Variants in PACS2 observed in about 807,000 individuals in gnomAD.
PACS2 encodes the protein PACS1-like protein.
A neutral mutation model predicts 113.0 loss-of-function variants in PACS2; 36 were observed. That is an observed-to-expected ratio of 0.32 (90% CI 0.24 to 0.42). PACS2 has a LOEUF of 0.42. Among genes scored for constraint, PACS2 ranks in the 10% least tolerant of loss-of-function variants. PACS2 has a pLI of 1.00. For synonymous variants in PACS2, 589 were observed against 536.1 expected (o/e 1.10, Z -1.36); for missense variants, 1,015 against 1,239.5 (o/e 0.82, Z 2.72).
Position 105,355,258 on chromosome 14 carries a change from C to G in PACS2, c.423+81C>G. The G allele has an allele frequency of 6.8e-7, 1 of 1,477,000 alleles. No homozygotes were observed. The highest frequency in any genetic ancestry group is 2.0e-5 in the Admixed American group (1 of 49,762). 91.5% of individuals were successfully genotyped at this position (1,477,000 alleles called of 1,614,324 possible). A position where few individuals can be genotyped will look rare whatever the true frequency, so the allele number is the denominator to read the frequency against. ...ATTCGCCCGTGGGAGATGGAGATGT[C>G]TCTCCCGGGTCCAGATGTCCAGGGA... On this transcript the variant is annotated intron_variant, in intron 4 of 24. Transcript: ENST00000447393. The surrounding 1 kb of genome is among the most constrained non-coding windows in gnomAD (Gnocchi z 4.1).
chr14:105,393,349 G>A lies in PACS2; in HGVS notation c.2596+14G>A, dbSNP rs1555415550. On this transcript the variant is annotated intron_variant, in intron 24 of 24. Transcript: ENST00000447393. Reference sequence around the variant, plus strand: ...ACATGCTGCGGGGTGAGCACCACCGGCCCCGGGGTCTGTAGAGTGGGACGT... The same window carrying A: ...ACATGCTGCGGGGTGAGCACCACCGACCCCGGGGTCTGTAGAGTGGGACGT... The A allele has an allele frequency of 3.2e-6, 5 of 1,582,712 alleles. No homozygotes were observed. The highest frequency in any genetic ancestry group is 1.7e-4 in the Middle Eastern group (1 of 6,014).
At chr14:105,377,286 G>T (rs1472979722) in intron 9 of PACS2, among the ~76,000 whole-genome samples, 1 of 152,156 alleles carries the variant, frequency 6.6e-6, no homozygotes, top group African/African-American at 2.4e-5. Context: ...GTTCACTCAG[G>T]TGGGGAGTAG....
At chr14:105,312,937 G>T (rs78592622), upstream of PACS2, among the ~76,000 whole-genome samples, 71 of 152,268 alleles carry the variant, frequency 4.7e-4, 1 homozygote, top group East Asian at 0.013. Flanking sequence ...GTCATATCCC[G>T]ACCCCTGGCA....
rs1171103338 is a variant in PACS2 at position 105,395,383 on chromosome 14, G to A, written c.*711G>A. ...TCAGGCTGTTCTTGAAACACCATGA[G>A]GCTTCTGCGTGTAGTCCCTGCCCCA... On this transcript the variant is annotated 3_prime_UTR_variant, in exon 25 of 25. Coordinates refer to ENST00000447393, the MANE Select transcript of PACS2 (RefSeq NM_001100913.3). 1 of 151,480 alleles carries A rather than the reference G, an allele frequency of 6.6e-6. No individual in the cohort carries two copies. The highest frequency in any genetic ancestry group is 1.9e-4 in the East Asian group (1 of 5,134). The allele number at this position is 151,480 out of a possible 1,614,324, so 9.4% of individuals were successfully genotyped here.
rs1214498292 is a variant in PACS2, at chr14:105,358,194, T to G, written c.423+3017T>G. Reference sequence around the variant, plus strand: ...TTACTCTGAGGCTGAGGAAGTGGAGTCCAAGGTGGCCCAGGGTAGGGGCCG... The same window carrying G: ...TTACTCTGAGGCTGAGGAAGTGGAGGCCAAGGTGGCCCAGGGTAGGGGCCG... On this transcript the variant is annotated intron_variant, in intron 4 of 24. Transcript: ENST00000447393. The surrounding 1 kb of genome is among the most constrained non-coding windows in gnomAD (Gnocchi z 4.9). Among the ~76,000 whole-genome samples, 1 of 151,998 alleles carries G rather than the reference T, an allele frequency of 6.6e-6. No homozygotes were observed. The highest frequency in any genetic ancestry group is 1.9e-4 in the East Asian group (1 of 5,158).
In PACS2 at chr14:105,358,482, G is replaced by T. The variant is rs1207667598; in HGVS notation, c.423+3305G>T. ...GCTCTCAGAACTCACCCCAGCACCC[G>T]TAGAGGGAGTGTGTAGGGGTGGGCG... On this transcript the variant is annotated intron_variant, in intron 4 of 24. Coordinates refer to ENST00000447393, the MANE Select transcript of PACS2 (RefSeq NM_001100913.3). The surrounding 1 kb of genome is among the most constrained non-coding windows in gnomAD (Gnocchi z 4.9). Among the ~76,000 whole-genome samples the T allele has an allele frequency of 1.3e-5, 2 of 152,214 alleles. No homozygotes were observed. The highest frequency in any genetic ancestry group is 4.8e-5 in the African/African-American group (2 of 41,450).
chr14:105,382,098 CGT>C (rs2081015218), intron 13 of PACS2, 40 bp downstream of exon 13: 2 of 1,528,360 alleles, frequency 1.3e-6, no homozygotes, highest in Non-Finnish European at 1.8e-6. Flanking sequence ...AGGCAGGGCT[CGT>C]GGTCACCCTG....
Position 105,391,254 on chromosome 14 carries a change from C to A in PACS2, c.2119+5C>A, listed in dbSNP as rs782261491. 1.2e-5 allele frequency: 19 copies of A among 1,609,594 alleles called. No individual in the cohort carries two copies. The highest frequency in any genetic ancestry group is 5.0e-5 in the Admixed American group (3 of 60,002). ...AGCCATCCTCGGCCACATCAGGTAACCCCGTCCCACCCTGAGGCCTTGTGA... is the reference window on the plus strand; with the variant it reads ...AGCCATCCTCGGCCACATCAGGTAAACCCGTCCCACCCTGAGGCCTTGTGA... On this transcript the variant is annotated splice_donor_5th_base_variant and intron_variant, in intron 21 of 24. Coordinates refer to ENST00000447393, the MANE Select transcript of PACS2 (RefSeq NM_001100913.3).
At chr14:105,318,609 C>A (rs1168930926) in intron 1 of PACS2, among the ~76,000 whole-genome samples, 8 of 151,332 alleles carry the variant, frequency 5.3e-5, no homozygotes, top group Admixed American at 5.3e-4. Context: ...GCCAGCATGC[C>A]CGGCTAATTT....
At chr14:105,341,571 G>A (rs922104744) in intron 1 of PACS2, among the ~76,000 whole-genome samples, 11 of 152,220 alleles carry the variant, frequency 7.2e-5, no homozygotes, top group Non-Finnish European at 1.6e-4. Context: ...TTCTCTCAGG[G>A]CCAAGTGTGG....
intron 22 of PACS2, chr14:105,392,269 AC>A: frequency 2.9e-5 from 11 of 377,536 alleles, no homozygotes; most frequent in Non-Finnish European, 4.9e-5. Context: ...TACCCCCCCG[AC>A]CCCCCTGCCT....
At chr14:105,313,953 A>G (rs2058431381), upstream of PACS2, among the ~76,000 whole-genome samples, 1 of 152,266 alleles carries the variant, frequency 6.6e-6, no homozygotes. Flanking sequence ...CCCCAGGGCC[A>G]GGAGCCAGCC....
chr14:105,384,268 C>T (rs975453851), intron 16 of PACS2, 85 bp from the exon 17 acceptor site: 17 of 755,364 alleles, frequency 2.3e-5, no homozygotes, highest in Admixed American at 1.1e-4. Flanking sequence ...GGCCTGGGGT[C>T]GGGTGGCCCA....
chr14:105,331,099 C>T (rs988538327), intron 1 of PACS2, among the ~76,000 whole-genome samples: 21 of 152,066 alleles, frequency 1.4e-4, no homozygotes, highest in Non-Finnish European at 2.9e-5. Context: ...GGATTACAGG[C>T]ATGCACCGTC....
At chr14:105,379,466 C>T (rs1410693389) in intron 9 of PACS2, among the ~76,000 whole-genome samples, 1 of 152,196 alleles carries the variant, frequency 6.6e-6, no homozygotes, top group African/African-American at 2.4e-5. Flanking sequence ...GTGTGTGTTT[C>T]CTGCAGCTGA....
chr14:105,338,812 C>T (rs2059619533), intron 1 of PACS2, among the ~76,000 whole-genome samples: 1 of 152,218 alleles, frequency 6.6e-6, no homozygotes, highest in Admixed American at 6.5e-5. Flanking sequence ...GTCCTGATGT[C>T]TGTTGAAGGC....
chr14:105,303,518 T>C (rs6576081), intron 1 of PACS2, among the ~76,000 whole-genome samples: 52,515 of 152,120 alleles, frequency 0.35, 9,736 homozygotes, highest in African/African-American at 0.48. Flanking sequence ...GCTGGGACTA[T>C]GGGCGTGAGC....
chr14:105,383,355 G>GCAGCT lies in PACS2; in HGVS notation c.1626-3_1627dup. 6.2e-7 allele frequency: 1 copy of GCAGCT among 1,606,268 alleles called. No homozygotes were observed. ...TCTCCGTCCCACCTGCCTCTGGATT[G>GCAGCT]CAGCTGCAACTGCAATTCCCAGCCC... On this transcript the variant is annotated splice_polypyrimidine_tract_variant and splice_region_variant and intron_variant, in intron 15 of 24. Transcript: ENST00000447393.
rs1284596863 is a variant in PACS2 at position 105,394,799 on chromosome 14, A to G, written c.*127A>G. On this transcript the variant is annotated 3_prime_UTR_variant, in exon 25 of 25. Coordinates refer to ENST00000447393, the MANE Select transcript of PACS2 (RefSeq NM_001100913.3). Reference sequence around the variant, plus strand: ...CAAAGAGAAACAGTCTTAAGTATGAATGTGCTCACAACGTGGAAACTAACG... The same window carrying G: ...CAAAGAGAAACAGTCTTAAGTATGAGTGTGCTCACAACGTGGAAACTAACG... 4.2e-6 allele frequency: 3 copies of G among 709,198 alleles called. No individual in the cohort carries two copies. The highest frequency in any genetic ancestry group is 7.6e-6 in the Non-Finnish European group (3 of 393,240). The allele number at this position is 709,198 out of a possible 1,614,324, so 43.9% of individuals were successfully genotyped here. A position where few individuals can be genotyped will look rare whatever the true frequency, so the allele number is the denominator to read the frequency against.
Sources: gnomAD v4.1 joint callset for allele counts (sites outside exome capture counted in the v4.1 genomes callset) on GRCh38, gnomAD v4.1.1 for gene constraint, Gnocchi (gnomAD v3.1) non-coding constraint, MANE v1.5 for transcripts, NCBI Gene and HGNC (gene_info 2026-07-23, HGNC 2026-07-21) for gene names.